The following IFT74 variants were observed in gnomAD, a reference collection of about 807,000 sequenced individuals.
The protein encoded by IFT74 is intraflagellar transport protein 74 homolog.
IFT74 carries 92 observed loss-of-function variants against 96.7 expected under a neutral mutation model. That is an observed-to-expected ratio of 0.95 (90% confidence interval 0.80 to 1.13). The LOEUF (loss-of-function observed/expected upper bound fraction) is 1.13. Among genes scored for constraint, IFT74 ranks in the 50% most tolerant of loss-of-function variants. The probability of loss-of-function intolerance (pLI) is 0.00; values close to 1 mark genes in which losing one functional copy is unlikely to be tolerated. For missense variants in IFT74, 811 were observed against 698.2 expected, an observed-to-expected ratio of 1.16 and a Z score of -1.82; for synonymous variants, 223 against 213.2, an observed-to-expected ratio of 1.05 and a Z score of -0.40.
intron 1 of IFT74, 111 bp from the exon 2 acceptor site, chr9:26,961,838 C>A: frequency 9.0e-7 from 1 of 1,109,106 alleles, no homozygotes; most frequent in Admixed American, 2.0e-5. Context: ...GTACACAGAA[C>A]GGCAGTTTGC....
intron 12 of IFT74, among the ~76,000 whole-genome samples, chr9:27,025,443 CAAAAAA>C (rs57335230): frequency 2.6e-5 from 2 of 77,722 alleles, no homozygotes; most frequent in East Asian, 3.4e-4. Context: ...ACTCCATCTC[CAAAAAA>C]AAAAAAAAAA....
At chr9:27,060,737 C>A (rs529921724) in intron 19 of IFT74, 86 bp downstream of exon 19, 2 of 877,692 alleles carry the variant, frequency 2.3e-6, no homozygotes, top group East Asian at 2.7e-5. Context: ...GGCAGGTGGG[C>A]CACAAGGTCA....
chr9:27,036,102 A>C (rs1277605923), intron 13 of IFT74, among the ~76,000 whole-genome samples: 3 of 152,246 alleles, frequency 2.0e-5, no homozygotes, highest in Non-Finnish European at 4.4e-5. Flanking sequence ...AGAACTATAA[A>C]GATTTTTATT....
intron 8 of IFT74, among the ~76,000 whole-genome samples, chr9:26,999,951 T>G (rs1187411866): frequency 2.6e-5 from 4 of 151,976 alleles, no homozygotes; most frequent in Admixed American, 2.6e-4. Context: ...TAAAAATTTT[T>G]GTAGAGATGG....
chr9:27,059,633 G>A (rs546772899), intron 18 of IFT74, among the ~76,000 whole-genome samples: 6 of 152,290 alleles, frequency 3.9e-5, no homozygotes, highest in Admixed American at 1.3e-4. Flanking sequence ...GGGGGAGATT[G>A]ATGTGATTAG....
chr9:27,056,954 A>G (rs1463967381), intron 18 of IFT74, among the ~76,000 whole-genome samples: 4 of 152,064 alleles, frequency 2.6e-5, no homozygotes, highest in Non-Finnish European at 4.4e-5. Flanking sequence ...ATTTATTTCT[A>G]TGCATTTATA....
chr9:27,028,850 A>G (rs1829990624), intron 12 of IFT74, 175 bp from the exon 13 acceptor site: 1 of 511,456 alleles, frequency 2.0e-6, no homozygotes, highest in East Asian at 3.6e-5. Flanking sequence ...ATATTTATGC[A>G]ATTTGTAAAA....
intron 12 of IFT74, among the ~76,000 whole-genome samples, chr9:27,025,459 A>AAAAAAAAAAG (rs1829817034): frequency 4.8e-5 from 7 of 145,778 alleles, no homozygotes; most frequent in African/African-American, 1.8e-4. Context: ...AAAAAAAAAA[A>AAAAAAAAAAG]AAAAGAAAAG....
intron 10 of IFT74, among the ~76,000 whole-genome samples, chr9:27,013,013 A>G (rs1308369211): frequency 2.0e-5 from 3 of 152,120 alleles, no homozygotes; most frequent in Admixed American, 6.6e-5. Flanking sequence ...CACTGCGCCC[A>G]GCCAAAATGT....
At chr9:27,047,213 C>G in intron 14 of IFT74, 61 bp from the exon 15 acceptor site, 1 of 967,290 alleles carries the variant, frequency 1.0e-6, no homozygotes, top group Non-Finnish European at 1.6e-6. Context: ...AACTGCAAAT[C>G]AGAGTTTATA....
chr9:27,037,819 TCA>T (rs1289362370), intron 13 of IFT74, among the ~76,000 whole-genome samples: 2 of 152,166 alleles, frequency 1.3e-5, no homozygotes, highest in Non-Finnish European at 2.9e-5. Flanking sequence ...TTCCTGGAAT[TCA>T]GTTTTATTCC....
intron 13 of IFT74, among the ~76,000 whole-genome samples, chr9:27,030,447 C>G (rs1830067306): frequency 6.7e-6 from 1 of 149,326 alleles, no homozygotes; most frequent in African/African-American, 2.5e-5. Context: ...ACTTGGGAGG[C>G]TGAGGCAGGA....
intron 13 of IFT74, among the ~76,000 whole-genome samples, chr9:27,034,749 C>G (rs1010578179): frequency 2.0e-5 from 3 of 152,184 alleles, no homozygotes; most frequent in African/African-American, 7.2e-5. Context: ...AGGCTGGTCT[C>G]AAACTCCTGA....
At chr9:27,018,747 A>G in intron 12 of IFT74, 60 bp downstream of exon 12, 1 of 1,084,550 alleles carries the variant, frequency 9.2e-7, no homozygotes, top group South Asian at 1.6e-5. Flanking sequence ...ATTACATTCT[A>G]AAGGTACAGG....
chr9:27,056,733 A>G (rs1015577765), intron 18 of IFT74, among the ~76,000 whole-genome samples: 1 of 152,074 alleles, frequency 6.6e-6, no homozygotes, highest in Non-Finnish European at 1.5e-5. Context: ...TGGAAGTGAA[A>G]CATTACTAAT....
intron 1 of IFT74, among the ~76,000 whole-genome samples, chr9:26,949,933 G>A (rs961121131): frequency 1.3e-5 from 2 of 152,224 alleles, no homozygotes; most frequent in Admixed American, 1.3e-4. Context: ...TCACAATAGT[G>A]ATGTTATCTG....
intron 18 of IFT74, among the ~76,000 whole-genome samples, chr9:27,058,675 A>G (rs1372644958): frequency 6.6e-6 from 1 of 152,216 alleles, no homozygotes; most frequent in Non-Finnish European, 1.5e-5. Context: ...GGTGTGAGCC[A>G]CCACACTCGG....
In IFT74 at chr9:27,063,207, T is replaced by C. The variant is rs1268993045; in HGVS notation, c.*471T>C. ...CTTCTCAAATAGGTTATATTTGATG[T>C]GTATTAGACCATATAATGTCACAGG... is the stretch of plus-strand genomic sequence containing the variant. On this transcript the variant is annotated 3_prime_UTR_variant, in exon 20 of 20. Coordinates refer to ENST00000380062, the MANE Select transcript of IFT74 (RefSeq NM_025103.4). Among the ~76,000 whole-genome samples the C allele has an allele frequency of 6.6e-6, 1 of 152,172 alleles. No homozygotes were observed. Among genetic ancestry groups the C allele is most frequent in the Non-Finnish European group, 1.5e-5 (1 of 67,990 alleles).
At position 26,978,243 on chromosome 9, in the gene IFT74, G is replaced by A; in HGVS notation, c.236G>A (p.Gly79Glu). Residue 79 changes from glycine to glutamate, a missense_variant, in exon 3 of 20, where the codon GGA becomes GAA. Coordinates refer to ENST00000380062, the MANE Select transcript of IFT74 (RefSeq NM_025103.4). ...CCTGTAACACAACAAGGTTTGACTG[G>A]AATGAAAACTGGGACGAAAGGTACC... ...HRPVTQQGLT[G>E]MKTGTKGPQR... 1 of 1,613,050 alleles carries A rather than the reference G, an allele frequency of 6.2e-7. No homozygotes were observed. Among genetic ancestry groups the A allele is most frequent in the Non-Finnish European group, 8.5e-7 (1 of 1,179,798 alleles).
Sources: gnomAD v4.1 joint callset for allele counts (sites outside exome capture counted in the v4.1 genomes callset) on GRCh38, gnomAD v4.1.1 for gene constraint, MANE v1.5 for transcripts, NCBI Gene and HGNC (gene_info 2026-07-23, HGNC 2026-07-21) for gene names.